Variants in RBFOX1 observed in about 807,000 individuals in gnomAD.
The protein encoded by RBFOX1 is RNA binding protein fox-1 homolog 1.
Under a neutral mutation model 57.7 loss-of-function variants are expected in RBFOX1, and 8 were observed. The observed-to-expected ratio is 0.14, with a 90% CI of 0.08 to 0.25. The LOEUF (loss-of-function observed/expected upper bound fraction) is 0.25, where lower values mean the gene tolerates loss of function less well. Ranked by LOEUF, RBFOX1 falls within the 10% of genes least tolerant of loss-of-function variation. The pLI is 1.00. For synonymous variants in RBFOX1, 326 were observed against 222.4 expected, an observed-to-expected ratio of 1.47 and a Z score of -4.15; for missense variants, 611 against 548.5, an observed-to-expected ratio of 1.11 and a Z score of -1.14.
At chr16:5,581,013 A>C (rs1221664939) in intron 2 of RBFOX1, among the ~76,000 whole-genome samples, 1 of 152,212 alleles carries the variant, frequency 6.6e-6, no homozygotes, top group African/African-American at 2.4e-5. Flanking sequence ...AAGGGCTGTC[A>C]GTGTGCACAG....
intron 3 of RBFOX1, among the ~76,000 whole-genome samples, chr16:5,718,870 A>G (rs1033448064): frequency 3.7e-4 from 57 of 152,164 alleles, no homozygotes; most frequent in African/African-American, 1.4e-3. Flanking sequence ...GACTGCACCA[A>G]TTTACCCCAG....
intron 2 of RBFOX1, among the ~76,000 whole-genome samples, chr16:6,512,496 G>C (rs1435481471): frequency 6.6e-6 from 1 of 152,122 alleles, no homozygotes; most frequent in Admixed American, 6.6e-5. Context: ...TCCAGCATCA[G>C]ACCAAAGAAG....
rs374556004 is a variant in RBFOX1, at chr16:5,703,550, C to G, written c.318+104589C>G. ...TCTCAATTCTTTGAGCCATGGAAGC[C>G]TATTTAAAGATTTTTAGTGCACAGA... is the stretch of plus-strand genomic sequence containing the variant. On this transcript the variant is annotated intron_variant, in intron 3 of 19. Coordinates refer to the RBFOX1 transcript ENST00000641259. Among the ~76,000 whole-genome samples the G allele has an allele frequency of 2.6e-4, 39 of 152,264 alleles. 2 individuals carry two copies. The South Asian group carries it at 8.1e-3, about 32-fold the overall frequency.
chr16:6,687,264 A>T (rs746324885), intron 3 of RBFOX1, among the ~76,000 whole-genome samples: 1 of 152,254 alleles, frequency 6.6e-6, no homozygotes, highest in East Asian at 1.9e-4. Context: ...AGAGTGATAT[A>T]ATCGACTTTG....
chr16:5,867,210 C>G (rs1184848278), intron 3 of RBFOX1: 38 of 867,992 alleles, frequency 4.4e-5, no homozygotes, highest in Non-Finnish European at 5.5e-5. Flanking sequence ...CGGGTCATAA[C>G]AAATTATTGA....
chr16:7,704,372 A>T (rs547187740), intron 14 of RBFOX1, among the ~76,000 whole-genome samples: 4 of 152,290 alleles, frequency 2.6e-5, no homozygotes, highest in African/African-American at 9.6e-5. Context: ...TTGCAAACTC[A>T]CAGAAATGAT....
chr16:5,424,121 T>G (rs558307724), intron 1 of RBFOX1, among the ~76,000 whole-genome samples: 5 of 152,314 alleles, frequency 3.3e-5, no homozygotes, highest in African/African-American at 7.2e-5. Flanking sequence ...AGCTATTCAA[T>G]CAGTAATCCC....
chr16:5,355,870 C>T (rs981346183), intron 1 of RBFOX1, among the ~76,000 whole-genome samples: 7 of 152,094 alleles, frequency 4.6e-5, no homozygotes, highest in Admixed American at 2.6e-4. Context: ...GCAGGTGAAT[C>T]GCCTGAGACT....
chr16:6,224,241 A>C (rs7198452), intron 1 of RBFOX1, among the ~76,000 whole-genome samples: 2,724 of 152,122 alleles, frequency 0.018, 92 homozygotes, highest in African/African-American at 0.062. Context: ...AATTCTGTGA[A>C]GAAAGTCATT....
At chr16:6,084,534 G>C (rs1870509674) in intron 1 of RBFOX1, among the ~76,000 whole-genome samples, 1 of 152,080 alleles carries the variant, frequency 6.6e-6, no homozygotes, top group South Asian at 2.1e-4. Context: ...AAAAACCACT[G>C]CACCTGGCCC....
intron 2 of RBFOX1, among the ~76,000 whole-genome samples, chr16:5,486,728 T>C (rs954585565): frequency 6.6e-6 from 1 of 152,164 alleles, no homozygotes; most frequent in Admixed American, 6.5e-5. Context: ...GAGAAGACAC[T>C]CATCAGGACT....
chr16:7,240,530 G>A (rs1046787039), intron 4 of RBFOX1, among the ~76,000 whole-genome samples: 36 of 152,046 alleles, frequency 2.4e-4, no homozygotes, highest in African/African-American at 6.3e-4. Flanking sequence ...TGGGGTTTTC[G>A]TGGTGTTTTT....
At chr16:6,724,748 C>T (rs1387702838) in intron 3 of RBFOX1, among the ~76,000 whole-genome samples, 2 of 151,792 alleles carry the variant, frequency 1.3e-5, no homozygotes, top group African/African-American at 4.8e-5. Context: ...AATTTTTATT[C>T]TAAGTTCTGG....
At chr16:6,582,293 C>G (rs1468206005) in intron 2 of RBFOX1, among the ~76,000 whole-genome samples, 2 of 152,108 alleles carry the variant, frequency 1.3e-5, no homozygotes, top group Non-Finnish European at 1.5e-5. Context: ...ATCGCATAAA[C>G]TTGAAAATTC....
chr16:5,340,248 C>T (rs1382636939), intron 1 of RBFOX1, among the ~76,000 whole-genome samples: 1 of 152,152 alleles, frequency 6.6e-6, no homozygotes, highest in African/African-American at 2.4e-5. Flanking sequence ...TGTCCTCTGC[C>T]TATTAAGACC....
intron 1 of RBFOX1, among the ~76,000 whole-genome samples, chr16:6,049,416 T>C (rs1387127403): frequency 2.0e-5 from 3 of 152,206 alleles, no homozygotes; most frequent in East Asian, 1.9e-4. Context: ...ATCACCCAGA[T>C]TAAATAATTA....
chr16:6,348,635 A>G (rs1009132225), intron 2 of RBFOX1, among the ~76,000 whole-genome samples: 1 of 152,198 alleles, frequency 6.6e-6, no homozygotes, highest in African/African-American at 2.4e-5. Flanking sequence ...TCATGACGGA[A>G]GGCAAAGCAG....
chr16:6,165,246 C>T (rs1352154), intron 1 of RBFOX1, among the ~76,000 whole-genome samples: 86,104 of 151,978 alleles, frequency 0.57, 25,601 homozygotes, highest in African/African-American at 0.75. Flanking sequence ...TTACATACAG[C>T]AAGTGCTTAA....
chr16:5,854,160 C>T (rs1225417580), intron 3 of RBFOX1, among the ~76,000 whole-genome samples: 1 of 152,222 alleles, frequency 6.6e-6, no homozygotes, highest in Non-Finnish European at 1.5e-5. Context: ...TCTGTCACCT[C>T]ACATAGTTAT....
Sources: allele counts gnomAD v4.1 joint callset (sites outside exome capture counted in the v4.1 genomes callset), GRCh38; gene constraint gnomAD v4.1.1; transcripts MANE v1.5; gene names NCBI Gene and HGNC (gene_info 2026-07-23, HGNC 2026-07-21).